The following LRRC75A variants were observed in gnomAD, a reference collection of about 807,000 sequenced individuals.
The protein encoded by LRRC75A is leucine rich repeat containing 75A.
LRRC75A carries 12 observed loss-of-function variants against 26.0 expected under a neutral mutation model. That is an observed-to-expected ratio of 0.46 (90% CI 0.30 to 0.75). The LOEUF is 0.75. Ranked by LOEUF, LRRC75A falls within the 30% of genes least tolerant of loss-of-function variation. The pLI, the probability that LRRC75A is intolerant of heterozygous loss-of-function variation, is 0.08. For synonymous variants in LRRC75A, 223 were observed against 219.3 expected, an observed-to-expected ratio of 1.02 and a Z score of -0.15; for missense variants, 410 against 486.6, an observed-to-expected ratio of 0.84 and a Z score of 1.48.
chr17:16,479,070 A>G (rs2093827634), intron 1 of LRRC75A, among the ~76,000 whole-genome samples: 1 of 152,220 alleles, frequency 6.6e-6, no homozygotes, highest in Non-Finnish European at 1.5e-5. Flanking sequence ...GGCTCATGGA[A>G]GCCCAACAAG....
chr17:16,482,666 G>T (rs2093837300), intron 1 of LRRC75A, among the ~76,000 whole-genome samples: 1 of 152,228 alleles, frequency 6.6e-6, no homozygotes, highest in South Asian at 2.1e-4. Flanking sequence ...ACCTGTGTAG[G>T]CCCCCATGGC....
rs564586224 is a variant in LRRC75A at position 16,462,846 on chromosome 17, A to G, written c.247-460T>C. ...CTCCTTCTGTAGCCGATGCAGCCTC[A>G]GTGTTCCTTTGCCTTGGGGGTTTCT... On this transcript the variant is annotated intron_variant, in intron 1 of 3. Transcript: ENST00000470794. The surrounding 1 kb of genome is among the most constrained non-coding windows in gnomAD (Gnocchi z 4.6). 1.3e-4 allele frequency: 22 copies of G among 174,020 alleles called. No individual in the cohort carries two copies. In the South Asian group the frequency reaches 2.9e-3, roughly 23 times the overall value. 10.8% of individuals were successfully genotyped at this position (174,020 alleles called of 1,614,324 possible).
At chr17:16,480,546 T>C (rs1330180949) in intron 1 of LRRC75A, among the ~76,000 whole-genome samples, 1 of 150,450 alleles carries the variant, frequency 6.6e-6, no homozygotes, top group Non-Finnish European at 1.5e-5. Context: ...GGAGAATCAC[T>C]TGAACCCAGG....
intron 1 of LRRC75A, among the ~76,000 whole-genome samples, chr17:16,484,086 C>A (rs1423212951): frequency 6.6e-6 from 1 of 152,068 alleles, no homozygotes; most frequent in Admixed American, 6.6e-5. Context: ...GCTTGTAATC[C>A]CAGCACTTTG....
At chr17:16,466,271 G>A (rs1223141266) in intron 1 of LRRC75A, among the ~76,000 whole-genome samples, 3 of 152,208 alleles carry the variant, frequency 2.0e-5, no homozygotes, top group Admixed American at 6.5e-5. Flanking sequence ...TCAGGAGGCT[G>A]CAGCCTGGGC....
chr17:16,488,595 T>C (rs2093851474), intron 1 of LRRC75A, among the ~76,000 whole-genome samples: 1 of 152,234 alleles, frequency 6.6e-6, no homozygotes, highest in Non-Finnish European at 1.5e-5. Context: ...TCAGAGAGGT[T>C]ATCTGCTGGG....
chr17:16,463,203 T>A (rs921292295), intron 1 of LRRC75A: 2 of 151,832 alleles, frequency 1.3e-5, no homozygotes, highest in South Asian at 2.1e-4. Context: ...CTAAAGTAGG[T>A]CATGAGACCC....
intron 2 of LRRC75A, among the ~76,000 whole-genome samples, chr17:16,457,237 T>C (rs1362162724): frequency 6.6e-6 from 1 of 152,174 alleles, no homozygotes; most frequent in Non-Finnish European, 1.5e-5. Context: ...ATAAATTCAT[T>C]CATACATTCA....
rs1223836596 is a variant in LRRC75A, at chr17:16,443,987, T to C, written c.636A>G (p.Thr212=). 10 of 1,613,782 alleles carry C rather than the reference T, an allele frequency of 6.2e-6. No individual in the cohort carries two copies. The Middle Eastern group carries it at 5.0e-4, about 80-fold the overall frequency. Residue 212 remains threonine (T), a synonymous_variant, in exon 4 of 4, where the codon ACA becomes ACG. Transcript: ENST00000470794. ...GCAGGACCATGTCGTCCGTGAGGCC[T>C]GTGAAGCCCAGCTCCACGCTGTCTA... ...EQVDSVELGF[T]GLTDDMVLQL... is the part of the protein sequence containing the mutation.
intron 1 of LRRC75A, among the ~76,000 whole-genome samples, chr17:16,466,386 C>T (rs2093768971): frequency 1.3e-5 from 2 of 152,234 alleles, no homozygotes; most frequent in Non-Finnish European, 2.9e-5. Context: ...GCTGCATGTG[C>T]AAGGGAAGTG....
chr17:16,472,293 G>C (rs2093808821), intron 1 of LRRC75A, among the ~76,000 whole-genome samples: 1 of 152,016 alleles, frequency 6.6e-6, no homozygotes, highest in South Asian at 2.1e-4. Context: ...GTAGCTACAA[G>C]ATGTGGGGCC....
rs1181695444 is a variant in LRRC75A, at chr17:16,442,981, T to A, written c.*607A>T. The stretch of plus-strand genomic sequence containing the variant: ...TGTCAAAGGATATAGCGATAGCTGG[T>A]CCTATGGGCAGATGCCTAGAATCAA... On this transcript the variant is annotated 3_prime_UTR_variant, in exon 4 of 4. Coordinates refer to ENST00000470794, the MANE Select transcript of LRRC75A (RefSeq NM_001113567.3). 6.6e-6 allele frequency: 1 copy of A among 152,584 alleles called. No homozygotes were observed. 9.5% of individuals were successfully genotyped at this position (152,584 alleles called of 1,614,324 possible).
At chr17:16,456,959 C>A (rs1337593415) in intron 2 of LRRC75A, among the ~76,000 whole-genome samples, 2 of 152,170 alleles carry the variant, frequency 1.3e-5, no homozygotes, top group African/African-American at 4.8e-5. Context: ...AGGGCAGCAG[C>A]CTCTCCAGAC....
chr17:16,472,447 TG>T (rs1158219517), intron 1 of LRRC75A, among the ~76,000 whole-genome samples: 1 of 151,970 alleles, frequency 6.6e-6, no homozygotes, highest in East Asian at 1.9e-4. Context: ...GAGGGGTACG[TG>T]GGGTGCAAAA....
intron 2 of LRRC75A, chr17:16,448,193 G>A (rs2143011614): frequency 2.0e-6 from 1 of 506,524 alleles, no homozygotes; most frequent in East Asian, 3.7e-5. Flanking sequence ...ACAGATTTAT[G>A]TAAGTCTGGA....
chr17:16,488,084 TG>T (rs2093850561), intron 1 of LRRC75A, among the ~76,000 whole-genome samples: 1 of 152,188 alleles, frequency 6.6e-6, no homozygotes, highest in African/African-American at 2.4e-5. Context: ...GGGAAACTGC[TG>T]GGGTGAAGAG....
intron 1 of LRRC75A, among the ~76,000 whole-genome samples, chr17:16,488,162 C>G (rs1360676454): frequency 6.6e-6 from 1 of 152,206 alleles, no homozygotes; most frequent in Non-Finnish European, 1.5e-5. Context: ...TATTTCTTCT[C>G]CAGGGCTCCT....
intron 2 of LRRC75A, among the ~76,000 whole-genome samples, chr17:16,451,250 G>C (rs753045675): frequency 6.6e-6 from 1 of 152,066 alleles, no homozygotes; most frequent in Non-Finnish European, 1.5e-5. Context: ...GAGGCCACTG[G>C]GTCTCCAACA....
At chr17:16,469,978 C>T (rs1601183856) in intron 1 of LRRC75A, among the ~76,000 whole-genome samples, 1 of 152,110 alleles carries the variant, frequency 6.6e-6, no homozygotes, top group South Asian at 2.1e-4. Context: ...AAAGTGGCTT[C>T]CTCCCTTCCT....
Sources: gnomAD v4.1 joint callset for allele counts (sites outside exome capture counted in the v4.1 genomes callset) on GRCh38, gnomAD v4.1.1 for gene constraint, Gnocchi (gnomAD v3.1) non-coding constraint, MANE v1.5 for transcripts, NCBI Gene and HGNC (gene_info 2026-07-23, HGNC 2026-07-21) for gene names.